The following MBOAT2 variants were observed in gnomAD, a reference collection of about 807,000 sequenced individuals.
The protein encoded by MBOAT2 is membrane-bound glycerophospholipid O-acyltransferase 2.
A neutral mutation model predicts 63.4 loss-of-function variants in MBOAT2; 28 were observed. The ratio of observed to expected loss-of-function variants is 0.44; its 90% confidence interval spans 0.33 to 0.61. The LOEUF (loss-of-function observed/expected upper bound fraction) is 0.61. Ranked by LOEUF, MBOAT2 falls within the 20% of genes least tolerant of loss-of-function variation. The pLI, the probability that MBOAT2 is intolerant of heterozygous loss-of-function variation, is 0.03. For missense variants in MBOAT2, 470 were observed against 605.8 expected (o/e 0.78, Z 2.35); for synonymous variants, 211 against 215.6 (o/e 0.98, Z 0.19).
rs1660974029 is a variant in MBOAT2, at chr2:8,854,728, G to A, written c.*3951C>T. 1 of 152,196 alleles carries A rather than the reference G, an allele frequency of 6.6e-6. No individual in the cohort carries two copies. 9.4% of individuals were successfully genotyped at this position (152,196 alleles called of 1,614,324 possible). A position where few individuals can be genotyped will look rare whatever the true frequency, so the allele number is the denominator to read the frequency against. On this transcript the variant is annotated 3_prime_UTR_variant, in exon 13 of 13. Coordinates refer to ENST00000305997, the MANE Select transcript of MBOAT2 (RefSeq NM_138799.4). ...TACAAGGTATGAACTTTAAATAGGAGAGATTTTTGTCCTAAAACTGTGATC... is the reference window on the plus strand; with the variant it reads ...TACAAGGTATGAACTTTAAATAGGAAAGATTTTTGTCCTAAAACTGTGATC...
chr2:8,918,071 G>A (rs867523590), intron 3 of MBOAT2, among the ~76,000 whole-genome samples: 1 of 152,182 alleles, frequency 6.6e-6, no homozygotes, highest in African/African-American at 2.4e-5. Context: ...AGACAGGATG[G>A]ACTGATTGCA....
At chr2:8,939,911 A>C (rs980755435) in intron 3 of MBOAT2, among the ~76,000 whole-genome samples, 1 of 152,228 alleles carries the variant, frequency 6.6e-6, no homozygotes, top group East Asian at 1.9e-4. Flanking sequence ...TTCGTTTCAT[A>C]AAAAGTGATA....
At chr2:8,973,944 A>G (rs1225868901) in intron 1 of MBOAT2, among the ~76,000 whole-genome samples, 1 of 152,174 alleles carries the variant, frequency 6.6e-6, no homozygotes, top group East Asian at 1.9e-4. Context: ...ATAAACATGT[A>G]CTGCAGCACA....
At chr2:8,968,908 G>A (rs1389704044) in intron 1 of MBOAT2, among the ~76,000 whole-genome samples, 2 of 152,142 alleles carry the variant, frequency 1.3e-5, no homozygotes, top group African/African-American at 4.8e-5. Context: ...TCTGACTGGT[G>A]TACCTAAAAG....
At chr2:8,958,365 A>G in intron 2 of MBOAT2, 132 bp downstream of exon 2, 1 of 818,408 alleles carries the variant, frequency 1.2e-6, no homozygotes, top group Non-Finnish European at 1.8e-6. Context: ...AAAAATATGA[A>G]AGTTGGCCTG....
chr2:8,911,899 G>A (rs573503791), intron 3 of MBOAT2, among the ~76,000 whole-genome samples: 61 of 152,044 alleles, frequency 4.0e-4, no homozygotes, highest in African/African-American at 5.8e-4. Flanking sequence ...ACACTTTGCC[G>A]TCCCACCCCC....
intron 3 of MBOAT2, among the ~76,000 whole-genome samples, chr2:8,938,117 G>A (rs1295787009): frequency 6.6e-6 from 1 of 152,078 alleles, no homozygotes; most frequent in Non-Finnish European, 1.5e-5. Context: ...TTTTTTATAG[G>A]CAAGGCACAC....
At chr2:8,889,485 C>T (rs1167775590) in intron 4 of MBOAT2, among the ~76,000 whole-genome samples, 1 of 152,164 alleles carries the variant, frequency 6.6e-6, no homozygotes, top group East Asian at 1.9e-4. Context: ...ATACTCACTC[C>T]TCAGGAAATC....
intron 3 of MBOAT2, among the ~76,000 whole-genome samples, chr2:8,915,065 A>C (rs1450963414): frequency 1.3e-5 from 2 of 148,718 alleles, no homozygotes; most frequent in Admixed American, 1.4e-4. Flanking sequence ...CAGCCTCCCG[A>C]GTAGCTGAGA....
intron 5 of MBOAT2, among the ~76,000 whole-genome samples, chr2:8,883,376 A>T (rs967666946): frequency 3.3e-5 from 5 of 152,192 alleles, no homozygotes; most frequent in Non-Finnish European, 4.4e-5. Context: ...TTACATGTAC[A>T]TTAAAAGAGC....
At chr2:8,954,076 T>C (rs1045209982) in intron 2 of MBOAT2, among the ~76,000 whole-genome samples, 6 of 152,202 alleles carry the variant, frequency 3.9e-5, no homozygotes, top group Non-Finnish European at 7.3e-5. Context: ...TTTTTTCTTT[T>C]TCTTTCCTTC....
chr2:8,876,634 CAG>C (rs747823387), intron 7 of MBOAT2, among the ~76,000 whole-genome samples: 1 of 150,294 alleles, frequency 6.7e-6, no homozygotes, highest in African/African-American at 2.5e-5. Flanking sequence ...ATGGAGGATA[CAG>C]AGTGTTTACA....
chr2:8,994,246 A>G (rs143797884), intron 1 of MBOAT2, among the ~76,000 whole-genome samples: 1 of 152,214 alleles, frequency 6.6e-6, no homozygotes, highest in Non-Finnish European at 1.5e-5. Context: ...CAAACAAAAA[A>G]AAAATCAATG....
At position 8,862,215 on chromosome 2, in the gene MBOAT2, C is replaced by T; in HGVS notation, c.1185+375G>A. 9.3e-7 allele frequency: 1 copy of T among 1,074,820 alleles called. No homozygotes were observed. The highest frequency in any genetic ancestry group is 1.5e-5 in the South Asian group (1 of 66,778). 66.6% of individuals were successfully genotyped at this position (1,074,820 alleles called of 1,614,324 possible). On this transcript the variant is annotated intron_variant, in intron 11 of 12. Transcript: ENST00000305997. The surrounding 1 kb of genome is among the most constrained non-coding windows in gnomAD (Gnocchi z 4.3). ...TGGCCTCGCACAGCCTAGTCTTCAT[C>T]TGAGAGAGGACTCAAAGGTTACAGC...
intron 3 of MBOAT2, among the ~76,000 whole-genome samples, chr2:8,917,702 T>C (rs1001894779): frequency 6.6e-6 from 1 of 152,224 alleles, no homozygotes; most frequent in African/African-American, 2.4e-5. Flanking sequence ...AATATTTTTA[T>C]TCGATGCTCC....
At chr2:8,994,408 A>T (rs1672126522) in intron 1 of MBOAT2, among the ~76,000 whole-genome samples, 1 of 152,202 alleles carries the variant, frequency 6.6e-6, no homozygotes, top group Non-Finnish European at 1.5e-5. Flanking sequence ...GGCAGTGGAG[A>T]GGGGCGAGGA....
intron 1 of MBOAT2, among the ~76,000 whole-genome samples, chr2:8,973,961 A>AATTG (rs1456534642): frequency 9.9e-5 from 15 of 152,184 alleles, no homozygotes; most frequent in Non-Finnish European, 1.6e-4. Flanking sequence ...CACAGTGATA[A>AATTG]TATCAAAATT....
chr2:8,963,019 G>T (rs1669722878), intron 1 of MBOAT2, among the ~76,000 whole-genome samples: 2 of 152,072 alleles, frequency 1.3e-5, no homozygotes, highest in Non-Finnish European at 2.9e-5. Context: ...AAGACAGGAA[G>T]ATCACTTGAA....
chr2:9,001,193 AT>A (rs1051977717), intron 1 of MBOAT2, among the ~76,000 whole-genome samples: 18 of 150,750 alleles, frequency 1.2e-4, no homozygotes, highest in South Asian at 8.4e-4. Flanking sequence ...TCCACAGTTA[AT>A]TTTTTTTTTA....
Sources: gnomAD v4.1 joint callset for allele counts (sites outside exome capture counted in the v4.1 genomes callset) on GRCh38, gnomAD v4.1.1 for gene constraint, Gnocchi (gnomAD v3.1) non-coding constraint, MANE v1.5 for transcripts, NCBI Gene and HGNC (gene_info 2026-07-23, HGNC 2026-07-21) for gene names.